PCDHA6: variants seen among roughly 807,000 people sequenced by gnomAD.
PCDHA6 encodes the protein protocadherin alpha-6.
PCDHA6 carries 55 observed loss-of-function variants against 60.3 expected under a neutral mutation model. The ratio of observed to expected loss-of-function variants is 0.91; its 90% CI spans 0.73 to 1.14. The LOEUF is 1.14. PCDHA6 is among the 50% of genes most tolerant of loss of function. The pLI is 0.00. For synonymous variants in PCDHA6, 652 were observed against 557.9 expected, an observed-to-expected ratio of 1.17 and a Z score of -2.38; for missense variants, 1,327 against 1,256.5, an observed-to-expected ratio of 1.06 and a Z score of -0.85.
At chr5:140,998,548 T>A (rs904925148) in intron 3 of PCDHA6, among the ~76,000 whole-genome samples, 7 of 149,880 alleles carry the variant, frequency 4.7e-5, no homozygotes, top group African/African-American at 1.7e-4. Context: ...CCTAATTTAA[T>A]GTCTAATTTA....
At chr5:140,867,411 AT>A (rs2049946393) in intron 1 of PCDHA6, 2 of 152,130 alleles carry the variant, frequency 1.3e-5, no homozygotes, top group South Asian at 2.1e-4. Context: ...GTCTCCTTTA[AT>A]TTTTTAATAC....
chr5:140,871,748 A>T (rs1298018715), intron 1 of PCDHA6: 3 of 637,032 alleles, frequency 4.7e-6, no homozygotes, highest in Non-Finnish European at 7.7e-6. Flanking sequence ...TCCTAAAAGA[A>T]ATGAGATGCA....
At chr5:140,831,815 T>A (rs1475150566) in intron 1 of PCDHA6, among the ~76,000 whole-genome samples, 1 of 152,196 alleles carries the variant, frequency 6.6e-6, no homozygotes, top group Non-Finnish European at 1.5e-5. Context: ...AAAGTTGGAA[T>A]GATAAACACT....
At chr5:140,851,158 C>G (rs2041978839) in intron 1 of PCDHA6, 1 of 1,299,046 alleles carries the variant, frequency 7.7e-7, no homozygotes, top group African/African-American at 1.5e-5. Context: ...ATTTCTGATG[C>G]TATGCTGCCA....
intron 1 of PCDHA6, among the ~76,000 whole-genome samples, chr5:140,922,731 T>A (rs59295733): frequency 0.057 from 8,631 of 152,032 alleles, 722 homozygotes; most frequent in African/African-American, 0.19. Flanking sequence ...CTTGACAAGG[T>A]TGAGAAAAAT....
chr5:140,860,827 T>G (rs1554153817), intron 1 of PCDHA6: 6 of 152,210 alleles, frequency 3.9e-5, no homozygotes, highest in Admixed American at 2.6e-4. Context: ...AAGCTCCGCC[T>G]CCCAGGTTCA....
chr5:140,933,413 T>A (rs2089136962), intron 1 of PCDHA6, among the ~76,000 whole-genome samples: 3 of 152,056 alleles, frequency 2.0e-5, no homozygotes, highest in Non-Finnish European at 4.4e-5. Flanking sequence ...TCTACAGATA[T>A]TCTGTGTTCA....
Position 140,849,757 on chromosome 5 carries a change from A to G in PCDHA6, c.2394+19272A>G, listed in dbSNP as rs2041104980. ...CTGGACCGCGAGAGTGTGTCCGCCT[A>G]CGAGCTGGTGGTTACCGCGCGGGAC... On this transcript the variant is annotated intron_variant, in intron 1 of 3. Transcript: ENST00000529310. 3.1e-6 allele frequency: 5 copies of G among 1,598,418 alleles called. No homozygotes were observed. The African/African-American group carries it at 6.7e-5, about 21-fold the overall frequency.
At chr5:140,984,041 T>A (rs1440161569) in intron 3 of PCDHA6, among the ~76,000 whole-genome samples, 1 of 152,196 alleles carries the variant, frequency 6.6e-6, no homozygotes, top group Non-Finnish European at 1.5e-5. Flanking sequence ...CATAAAATAG[T>A]TCATTGACAA....
chr5:140,926,766 C>A (rs950499262), intron 1 of PCDHA6: 34 of 1,343,396 alleles, frequency 2.5e-5, no homozygotes, highest in Non-Finnish European at 3.3e-5. Context: ...GAGTATCCAG[C>A]CCGCAGCAGT....
intron 1 of PCDHA6, chr5:140,841,180 T>C (rs1240672085): frequency 8.7e-7 from 1 of 1,146,740 alleles, no homozygotes; most frequent in Non-Finnish European, 1.2e-6. Flanking sequence ...TGGTCAATGT[T>C]CAAAGTCTTT....
chr5:140,878,011 A>G (rs1008308579), intron 1 of PCDHA6: 1 of 843,992 alleles, frequency 1.2e-6, no homozygotes, highest in Non-Finnish European at 1.7e-6. Flanking sequence ...TCTAACATTA[A>G]TGAAGGAAAT....
chr5:140,848,406 G>T lies in PCDHA6; in HGVS notation c.2394+17921G>T, dbSNP rs2150410052. On this transcript the variant is annotated intron_variant, in intron 1 of 3. Coordinates refer to ENST00000529310, the MANE Select transcript of PCDHA6 (RefSeq NM_018909.4). ...CACTCTCTCTGTGCTGAACGATGGCGAACACAGCAGAATGGGACTGACGAA... is the reference window on the plus strand; with the variant it reads ...CACTCTCTCTGTGCTGAACGATGGCTAACACAGCAGAATGGGACTGACGAA... The T allele has an allele frequency of 2.9e-3, 3,827 of 1,338,984 alleles. 272 individuals carry two copies. The African/African-American group carries it at 0.048, about 17-fold the overall frequency. The allele number at this position is 1,338,984 out of a possible 1,614,324, so 82.9% of individuals were successfully genotyped here. A position where few individuals can be genotyped will look rare whatever the true frequency, so the allele number is the denominator to read the frequency against.
intron 1 of PCDHA6, among the ~76,000 whole-genome samples, chr5:140,895,100 T>G (rs1306041919): frequency 2.0e-5 from 3 of 152,190 alleles, no homozygotes; most frequent in African/African-American, 7.2e-5. Context: ...TAGGGGTTTT[T>G]GCTACAAGAA....
intron 1 of PCDHA6, among the ~76,000 whole-genome samples, chr5:140,951,791 A>T (rs375226786): frequency 1.3e-5 from 2 of 152,228 alleles, no homozygotes; most frequent in Non-Finnish European, 2.9e-5. Context: ...AAATACAATT[A>T]TCCCTTCCCA....
At chr5:140,999,078 T>G (rs1554256609) in intron 3 of PCDHA6, among the ~76,000 whole-genome samples, 2 of 152,208 alleles carry the variant, frequency 1.3e-5, no homozygotes, top group Non-Finnish European at 2.9e-5. Context: ...CTTCACTTCC[T>G]CCTTCAGAGG....
intron 1 of PCDHA6, among the ~76,000 whole-genome samples, chr5:140,961,479 C>A (rs2095615905): frequency 6.6e-6 from 1 of 152,108 alleles, no homozygotes; most frequent in Admixed American, 6.6e-5. Context: ...TTTGTCTTGT[C>A]CACGTGAGTA....
chr5:140,946,611 A>AATAT (rs1554217734), intron 1 of PCDHA6, among the ~76,000 whole-genome samples: 1,089 of 86,784 alleles, frequency 0.013, 135 homozygotes, highest in African/African-American at 0.062. Flanking sequence ...GAAAATGTGA[A>AATAT]ATATATATAT....
intron 1 of PCDHA6, chr5:140,930,195 G>A (rs1427541259): frequency 6.6e-6 from 1 of 152,140 alleles, no homozygotes; most frequent in East Asian, 1.9e-4. Context: ...TAATTTTTAT[G>A]TCAGAAATAT....
Sources: allele counts gnomAD v4.1 joint callset (sites outside exome capture counted in the v4.1 genomes callset), GRCh38; gene constraint gnomAD v4.1.1; transcripts MANE v1.5; gene names NCBI Gene and HGNC (gene_info 2026-07-23, HGNC 2026-07-21).